The following CNTN5 variants were observed in gnomAD, a reference collection of about 807,000 sequenced individuals.
CNTN5 encodes the protein contactin 5.
CNTN5 carries 77 observed loss-of-function variants against 129.1 expected under a neutral mutation model. The observed-to-expected ratio is 0.60, with a 90% CI of 0.50 to 0.72. CNTN5 has a LOEUF of 0.72. Ranked by LOEUF, CNTN5 falls within the 30% of genes least tolerant of loss-of-function variation. The pLI, the probability that CNTN5 is intolerant of heterozygous loss-of-function variation, is 0.00. For missense variants in CNTN5, 1,478 were observed against 1,328.8 expected (o/e 1.11, Z -1.75); for synonymous variants, 509 against 465.6 (o/e 1.09, Z -1.20).
intron 24 of CNTN5, among the ~76,000 whole-genome samples, chr11:100,355,631 G>A (rs1378342882): frequency 1.3e-5 from 2 of 151,524 alleles, no homozygotes; most frequent in African/African-American, 4.8e-5. Context: ...ACATTCTAAT[G>A]GCTACAACAT....
intron 1 of CNTN5, among the ~76,000 whole-genome samples, chr11:99,176,789 T>A (rs558832910): frequency 1.2e-3 from 181 of 152,300 alleles, no homozygotes; most frequent in African/African-American, 4.0e-3. Flanking sequence ...GCTTCCACCT[T>A]TGACCTGCCT....
Position 99,496,657 on chromosome 11 carries a change from T to C in CNTN5, c.-70-59488T>C, listed in dbSNP as rs183231468. ...AACAAAATGCAGGCATTAAACAAATTCTGCCTCTCTACTACTTAAAATCAT... is the reference window on the plus strand; with the variant it reads ...AACAAAATGCAGGCATTAAACAAATCCTGCCTCTCTACTACTTAAAATCAT... On this transcript the variant is annotated intron_variant, in intron 2 of 24. Coordinates refer to ENST00000524871, the MANE Select transcript of CNTN5 (RefSeq NM_014361.4). Among the ~76,000 whole-genome samples, 19 of 152,322 alleles carry C rather than the reference T, an allele frequency of 1.2e-4. No individual in the cohort carries two copies. In the East Asian group the frequency reaches 3.7e-3, roughly 29 times the overall value.
At chr11:99,179,854 G>GT (rs768256082) in intron 1 of CNTN5, among the ~76,000 whole-genome samples, 1 of 152,188 alleles carries the variant, frequency 6.6e-6, no homozygotes, top group Admixed American at 6.5e-5. Context: ...TGTGTTGGGT[G>GT]TAAGTGACTT....
At chr11:99,587,639 G>A (rs1331938344) in intron 3 of CNTN5, among the ~76,000 whole-genome samples, 2 of 152,186 alleles carry the variant, frequency 1.3e-5, no homozygotes, top group African/African-American at 4.8e-5. Context: ...GTGTGGGAGT[G>A]AGGATATGTT....
intron 13 of CNTN5, among the ~76,000 whole-genome samples, chr11:100,146,006 C>G (rs1946841252): frequency 6.6e-6 from 1 of 152,142 alleles, no homozygotes; most frequent in African/African-American, 2.4e-5. Flanking sequence ...TGAGATATTT[C>G]AGGATGAGTG....
At chr11:99,814,718 T>C (rs1379563086) in intron 3 of CNTN5, among the ~76,000 whole-genome samples, 1 of 151,922 alleles carries the variant, frequency 6.6e-6, no homozygotes, top group East Asian at 1.9e-4. Context: ...GAAAGAGTGT[T>C]AGGATCAGTA....
intron 2 of CNTN5, among the ~76,000 whole-genome samples, chr11:99,340,008 A>G (rs1866435322): frequency 6.6e-6 from 1 of 152,142 alleles, no homozygotes; most frequent in Non-Finnish European, 1.5e-5. Flanking sequence ...TTTTGAATTG[A>G]GCAATGTCGT....
chr11:100,169,294 A>G lies in CNTN5; in HGVS notation c.1581-21832A>G, dbSNP rs145621820. Among the ~76,000 whole-genome samples the G allele has an allele frequency of 4.6e-3, 695 of 152,136 alleles. 9 individuals carry two copies. Among genetic ancestry groups the G allele is most frequent in the African/African-American group, 0.016 (666 of 41,536 alleles). On this transcript the variant is annotated intron_variant, in intron 13 of 24. Coordinates refer to ENST00000524871, the MANE Select transcript of CNTN5 (RefSeq NM_014361.4). ...CAACAGCATTGCATGCTACAGAGAAATCTTTCATGAAAGGAAGAGTCCATT... is the reference window on the plus strand; with the variant it reads ...CAACAGCATTGCATGCTACAGAGAAGTCTTTCATGAAAGGAAGAGTCCATT...
intron 9 of CNTN5, among the ~76,000 whole-genome samples, chr11:100,017,001 C>A (rs1940858703): frequency 6.6e-6 from 1 of 151,794 alleles, no homozygotes; most frequent in African/African-American, 2.4e-5. Context: ...TCGATGAGAA[C>A]ATATGTCTGC....
At chr11:99,523,649 T>TAGAAC (rs139869042) in intron 2 of CNTN5, among the ~76,000 whole-genome samples, 3 of 116,554 alleles carry the variant, frequency 2.6e-5, no homozygotes, top group African/African-American at 1.1e-4. Context: ...TAGAATAGAA[T>TAGAAC]AGAACAGAAC....
intron 20 of CNTN5, among the ~76,000 whole-genome samples, chr11:100,300,920 T>G (rs1044501203): frequency 1.3e-5 from 2 of 151,578 alleles, no homozygotes; most frequent in Non-Finnish European, 3.0e-5. Flanking sequence ...TTAATCTACA[T>G]TTCAGGAAAC....
chr11:100,302,767 A>G (rs773989028), intron 20 of CNTN5, among the ~76,000 whole-genome samples: 17 of 151,580 alleles, frequency 1.1e-4, no homozygotes, highest in Admixed American at 2.0e-4. Flanking sequence ...CATACCCAGA[A>G]CATGCTTTTA....
At chr11:99,642,677 T>C (rs887215061) in intron 3 of CNTN5, among the ~76,000 whole-genome samples, 1 of 152,168 alleles carries the variant, frequency 6.6e-6, no homozygotes, top group Non-Finnish European at 1.5e-5. Context: ...CACGCTACTG[T>C]ACAGAACACC....
intron 6 of CNTN5, among the ~76,000 whole-genome samples, chr11:99,846,508 A>G (rs1050468383): frequency 6.6e-6 from 1 of 152,110 alleles, no homozygotes. Flanking sequence ...ATTCCTTAAT[A>G]AGTAATCCTA....
intron 1 of CNTN5, among the ~76,000 whole-genome samples, chr11:99,153,715 C>T (rs1400372799): frequency 6.6e-6 from 1 of 151,420 alleles, no homozygotes; most frequent in Non-Finnish European, 1.5e-5. Context: ...GGTGAGAAGA[C>T]ACTCAGGATT....
chr11:100,318,109 T>C (rs566767731), intron 21 of CNTN5, among the ~76,000 whole-genome samples: 7 of 151,876 alleles, frequency 4.6e-5, no homozygotes, highest in African/African-American at 1.2e-4. Flanking sequence ...GGCGCGGTGG[T>C]GGGCGCCTGT....
At chr11:99,942,479 T>C (rs1387911143) in intron 7 of CNTN5, among the ~76,000 whole-genome samples, 1 of 152,080 alleles carries the variant, frequency 6.6e-6, no homozygotes, top group Non-Finnish European at 1.5e-5. Context: ...ATGATGTATC[T>C]ACAAAATTTC....
chr11:100,256,002 T>A, intron 17 of CNTN5, 84 bp downstream of exon 17: 2 of 1,167,232 alleles, frequency 1.7e-6, no homozygotes, highest in Non-Finnish European at 2.4e-6. Flanking sequence ...CTTACTATGA[T>A]TTTTTTGGAT....
At chr11:99,734,869 G>A (rs1943649770) in intron 3 of CNTN5, among the ~76,000 whole-genome samples, 1 of 152,188 alleles carries the variant, frequency 6.6e-6, no homozygotes, top group African/African-American at 2.4e-5. Context: ...TTAGCCCGGT[G>A]CAGTGGCAGG....
Sources: allele counts gnomAD v4.1 joint callset (sites outside exome capture counted in the v4.1 genomes callset), GRCh38; gene constraint gnomAD v4.1.1; transcripts MANE v1.5; gene names NCBI Gene and HGNC (gene_info 2026-07-23, HGNC 2026-07-21).